The following CACNA1D variants were observed in gnomAD, a reference collection of about 807,000 sequenced individuals.
CACNA1D encodes calcium voltage-gated channel subunit alpha1 D.
A neutral mutation model predicts 257.1 loss-of-function variants in CACNA1D; 55 were observed. That is an observed-to-expected ratio of 0.21 (90% CI 0.17 to 0.27). CACNA1D has a LOEUF of 0.27. Ranked by LOEUF, CACNA1D falls within the 10% of genes least tolerant of loss-of-function variation. The probability of loss-of-function intolerance (pLI) is 1.00; values close to 1 mark genes in which losing one functional copy is unlikely to be tolerated. For missense variants in CACNA1D, 1,876 were observed against 2,784.0 expected (o/e 0.67, Z 7.34); for synonymous variants, 980 against 1,014.9 (o/e 0.97, Z 0.65).
At chr3:53,654,447 T>A (rs2094129281) in intron 4 of CACNA1D, among the ~76,000 whole-genome samples, 1 of 152,180 alleles carries the variant, frequency 6.6e-6, no homozygotes. Flanking sequence ...CATATGGTCT[T>A]GTGATGTACT....
chr3:53,791,198 C>T (rs2095480909), intron 40 of CACNA1D: 2 of 578,050 alleles, frequency 3.5e-6, no homozygotes, highest in South Asian at 2.2e-5. Flanking sequence ...GAAGCGGGGC[C>T]GTGGCTCATC....
intron 26 of CACNA1D, chr3:53,749,045 C>T: frequency 1.5e-6 from 1 of 682,638 alleles, no homozygotes; most frequent in Non-Finnish European, 2.7e-6. Flanking sequence ...TTCCTCAGAA[C>T]AGTCCCTCGA....
chr3:53,738,101 G>A (rs1198138097), intron 20 of CACNA1D, among the ~76,000 whole-genome samples: 2 of 152,224 alleles, frequency 1.3e-5, no homozygotes, highest in Non-Finnish European at 2.9e-5. Flanking sequence ...AGCAGAGGGA[G>A]GCTGGCGAGT....
chr3:53,610,972 C>T (rs1036294184), intron 3 of CACNA1D, among the ~76,000 whole-genome samples: 4 of 152,106 alleles, frequency 2.6e-5, no homozygotes, highest in African/African-American at 9.7e-5. Flanking sequence ...GAATAAACTT[C>T]ATTTTACTCT....
At chr3:53,548,477 T>A (rs1432235242) in intron 3 of CACNA1D, among the ~76,000 whole-genome samples, 2 of 151,486 alleles carry the variant, frequency 1.3e-5, no homozygotes, top group East Asian at 3.9e-4. Context: ...CCCGACATTC[T>A]CTCCATCATG....
Position 53,691,934 on chromosome 3 carries a change from T to C in CACNA1D, c.1221-10707T>C, listed in dbSNP as rs148702013. On this transcript the variant is annotated intron_variant, in intron 8 of 47. Transcript: ENST00000350061. ...TATATAATATATATTATATATATTA[T>C]ATATATATTTTAAGGCTTATACAAG... Among the ~76,000 whole-genome samples the C allele has an allele frequency of 4.9e-3, 513 of 105,660 alleles. 5 individuals are homozygous for C. The highest frequency in any genetic ancestry group is 0.017 in the African/African-American group (496 of 28,880). The allele number at this position is 105,660 out of a possible 152,430, so 69.3% of individuals were successfully genotyped here.
intron 8 of CACNA1D, among the ~76,000 whole-genome samples, chr3:53,675,991 G>A (rs912342244): frequency 6.6e-6 from 1 of 152,148 alleles, no homozygotes. Flanking sequence ...GCACAGCCTC[G>A]CAGCTTTGTT....
At chr3:53,624,650 T>C (rs1276891560) in intron 3 of CACNA1D, among the ~76,000 whole-genome samples, 1 of 152,226 alleles carries the variant, frequency 6.6e-6, no homozygotes, top group Non-Finnish European at 1.5e-5. Flanking sequence ...CACTCTGCTG[T>C]ATCCCAAGAA....
chr3:53,497,566 C>G, intron 2 of CACNA1D, 105 bp downstream of exon 2: 1 of 1,180,814 alleles, frequency 8.5e-7, no homozygotes, highest in Non-Finnish European at 1.2e-6. Context: ...GTCTGGAATG[C>G]GAGTAACAGA....
chr3:53,674,069 A>G (rs2094350515), intron 8 of CACNA1D: 1 of 581,124 alleles, frequency 1.7e-6, no homozygotes, highest in Non-Finnish European at 3.1e-6. Context: ...TAGTATGTGA[A>G]CGTGTAGAGG....
chr3:53,722,089 A>G (rs748360569), intron 11 of CACNA1D, among the ~76,000 whole-genome samples: 8 of 152,258 alleles, frequency 5.3e-5, no homozygotes, highest in Non-Finnish European at 1.2e-4. Flanking sequence ...GACTGATAGC[A>G]TGATCAAGTC....
In CACNA1D at chr3:53,810,758, C is replaced by CAAAAAAAAA. The variant is rs71074934; in HGVS notation, c.6193-335_6193-327dup. On this transcript the variant is annotated intron_variant, in intron 47 of 47. Transcript: ENST00000350061. ...GGGCCACAGAGCGAGACTCTTGTCT[C>CAAAAAAAAA]AAAAAAAAAAAAAAAAAAAAAAAAA... 1.5e-3 allele frequency among the ~76,000 whole-genome samples: 102 copies of CAAAAAAAAA among 68,290 alleles called. 3 individuals are homozygous for CAAAAAAAAA. Among genetic ancestry groups the CAAAAAAAAA allele is most frequent in the African/African-American group, 5.9e-3 (70 of 11,866 alleles). 44.8% of individuals were successfully genotyped at this position (68,290 alleles called of 152,430 possible).
At chr3:53,734,838 A>G (rs1023606822) in intron 19 of CACNA1D, among the ~76,000 whole-genome samples, 1 of 152,192 alleles carries the variant, frequency 6.6e-6, no homozygotes, top group Non-Finnish European at 1.5e-5. Flanking sequence ...AGATGTCCTG[A>G]AGTCTCAGTT....
At chr3:53,759,440 C>T (rs1010199778) in intron 29 of CACNA1D, among the ~76,000 whole-genome samples, 12 of 152,304 alleles carry the variant, frequency 7.9e-5, no homozygotes, top group Middle Eastern at 3.4e-3. Flanking sequence ...TGGAGAGAAG[C>T]GGCGCACACG....
At chr3:53,548,373 A>ATTTTTT (rs1278474628) in intron 3 of CACNA1D, among the ~76,000 whole-genome samples, 4 of 127,458 alleles carry the variant, frequency 3.1e-5, no homozygotes, top group South Asian at 2.2e-4. Flanking sequence ...TTTTTTTTTA[A>ATTTTTT]AAATTATCTT....
chr3:53,500,417 A>G (rs2090548026), intron 2 of CACNA1D, among the ~76,000 whole-genome samples: 1 of 146,434 alleles, frequency 6.8e-6, no homozygotes, highest in South Asian at 2.3e-4. Context: ...CCTTGGTGAC[A>G]GTGAGACCCC....
At chr3:53,539,148 C>T (rs1274809325) in intron 3 of CACNA1D, among the ~76,000 whole-genome samples, 6 of 151,870 alleles carry the variant, frequency 4.0e-5, no homozygotes, top group Non-Finnish European at 7.4e-5. Context: ...CCTGCTCTGT[C>T]GCCCAGGCTG....
intron 30 of CACNA1D, 73 bp from the exon 31 acceptor site, chr3:53,769,900 G>C (rs780814991): frequency 4.1e-5 from 47 of 1,159,596 alleles, no homozygotes; most frequent in Non-Finnish European, 5.7e-5. Context: ...TTTTTTAAAG[G>C]GGGAAATGCT....
intron 14 of CACNA1D, among the ~76,000 whole-genome samples, chr3:53,724,250 G>A (rs935329523): frequency 5.9e-5 from 9 of 152,138 alleles, no homozygotes; most frequent in East Asian, 1.9e-4. Context: ...CAAAAAAACC[G>A]TTTTTCACAC....
Sources: gnomAD v4.1 joint callset for allele counts (sites outside exome capture counted in the v4.1 genomes callset) on GRCh38, gnomAD v4.1.1 for gene constraint, MANE v1.5 for transcripts, NCBI Gene and HGNC (gene_info 2026-07-23, HGNC 2026-07-21) for gene names.